Variants in PAX5 observed in about 807,000 individuals in gnomAD.
PAX5 encodes paired box 5, also known as paired box protein Pax-5.
A neutral mutation model predicts 43.7 loss-of-function variants in PAX5; 9 were observed. The ratio of observed to expected loss-of-function variants is 0.21; its 90% CI spans 0.12 to 0.36. The LOEUF (loss-of-function observed/expected upper bound fraction) is 0.36, where lower values mean the gene tolerates loss of function less well. Among genes scored for constraint, PAX5 ranks in the 10% least tolerant of loss-of-function variants. PAX5 has a pLI of 1.00. For synonymous variants in PAX5, 228 were observed against 214.3 expected (o/e 1.06, Z -0.56); for missense variants, 383 against 532.7 (o/e 0.72, Z 2.77).
At position 36,837,559 on chromosome 9, in the gene PAX5, G is replaced by A. The variant is rs1378826668; in HGVS notation, c.*3001C>T. 2.1e-5 allele frequency: 5 copies of A among 233,202 alleles called. No homozygotes were observed. The highest frequency in any genetic ancestry group is 5.6e-5 in the Admixed American group (1 of 17,784). The allele number at this position is 233,202 out of a possible 1,614,324, so 14.4% of individuals were successfully genotyped here. A position where few individuals can be genotyped will look rare whatever the true frequency, so the allele number is the denominator to read the frequency against. On this transcript the variant is annotated 3_prime_UTR_variant, in exon 10 of 10. Coordinates refer to ENST00000358127, the MANE Select transcript of PAX5 (RefSeq NM_016734.3). ...CAGAATTCTCTGGCATCTACTCAAC[G>A]GCTTGTGTCCTTTGGAGCCATCCTC...
At chr9:36,949,831 A>G (rs1832850653) in intron 6 of PAX5, among the ~76,000 whole-genome samples, 1 of 152,142 alleles carries the variant, frequency 6.6e-6, no homozygotes, top group Non-Finnish European at 1.5e-5. Context: ...TCTCCTCAGA[A>G]TTCCACATTA....
At chr9:36,865,292 T>A (rs1824759893) in intron 8 of PAX5, among the ~76,000 whole-genome samples, 1 of 152,170 alleles carries the variant, frequency 6.6e-6, no homozygotes, top group South Asian at 2.1e-4. Flanking sequence ...TCCCCACACC[T>A]TGCCCTCTTG....
At chr9:36,967,519 G>C (rs1244399491) in intron 5 of PAX5, among the ~76,000 whole-genome samples, 1 of 152,186 alleles carries the variant, frequency 6.6e-6, no homozygotes, top group Non-Finnish European at 1.5e-5. Flanking sequence ...AAGGAATGAG[G>C]CTTCCTTCTG....
intron 6 of PAX5, among the ~76,000 whole-genome samples, chr9:36,953,902 G>A (rs955205821): frequency 5.3e-5 from 8 of 151,984 alleles, no homozygotes; most frequent in Non-Finnish European, 1.2e-4. Flanking sequence ...GTGAAACCTG[G>A]TCTCTACAAA....
chr9:36,874,000 G>T (rs528053960), intron 8 of PAX5, among the ~76,000 whole-genome samples: 12 of 152,302 alleles, frequency 7.9e-5, no homozygotes, highest in African/African-American at 2.4e-4. Flanking sequence ...GCCTGGTACT[G>T]CGGCCCCCAC....
intron 1 of PAX5, among the ~76,000 whole-genome samples, chr9:37,024,379 G>A (rs1419237568): frequency 6.6e-6 from 1 of 152,046 alleles, no homozygotes; most frequent in Non-Finnish European, 1.5e-5. Flanking sequence ...AGTGGTAGGG[G>A]GACGGAGGCA....
chr9:36,945,760 C>T (rs1418559888), intron 6 of PAX5, among the ~76,000 whole-genome samples: 1 of 152,202 alleles, frequency 6.6e-6, no homozygotes, highest in East Asian at 1.9e-4. Context: ...CTTCAAATCC[C>T]AGCAGCACAA....
chr9:36,971,224 A>G (rs918266579), intron 5 of PAX5, among the ~76,000 whole-genome samples: 1 of 152,234 alleles, frequency 6.6e-6, no homozygotes, highest in African/African-American at 2.4e-5. Context: ...ATCAACCAAG[A>G]TAAGTACTCT....
intron 7 of PAX5, among the ~76,000 whole-genome samples, chr9:36,889,219 T>A (rs551819548): frequency 1.1e-4 from 17 of 152,282 alleles, no homozygotes; most frequent in Non-Finnish European, 2.4e-4. Flanking sequence ...GGCACTTCCA[T>A]GTCTTAACCT....
intron 5 of PAX5, among the ~76,000 whole-genome samples, chr9:36,999,667 C>G (rs1837684480): frequency 6.6e-6 from 1 of 152,194 alleles, no homozygotes; most frequent in Admixed American, 6.5e-5. Flanking sequence ...CCTCTCTTAC[C>G]CCATGATTCT....
chr9:37,012,352 G>A (rs1238006571), intron 3 of PAX5, among the ~76,000 whole-genome samples: 1 of 152,158 alleles, frequency 6.6e-6, no homozygotes, highest in Non-Finnish European at 1.5e-5. Context: ...CTATCTCCAA[G>A]TCACTGTTCC....
chr9:36,945,487 C>T (rs192861504), intron 6 of PAX5, among the ~76,000 whole-genome samples: 1 of 152,328 alleles, frequency 6.6e-6, no homozygotes, highest in African/African-American at 2.4e-5. Flanking sequence ...GTGATCTTCC[C>T]ACATTGGCCT....
intron 5 of PAX5, among the ~76,000 whole-genome samples, chr9:36,992,755 C>A (rs1388397212): frequency 6.6e-6 from 1 of 152,136 alleles, no homozygotes; most frequent in Non-Finnish European, 1.5e-5. Flanking sequence ...TAACTGAAAC[C>A]ACTTAATTGC....
rs76466853 is a variant in PAX5, at chr9:37,028,932, C to T, written c.46+5054G>A. Among the ~76,000 whole-genome samples the T allele has an allele frequency of 1.3e-3, 200 of 152,284 alleles. 2 individuals are homozygous for T. Among genetic ancestry groups the T allele is most frequent in the African/African-American group, 4.3e-3 (178 of 41,550 alleles). On this transcript the variant is annotated intron_variant, in intron 1 of 9. Transcript: ENST00000358127. ...TGTGGGTTTTAAGGCTCTGAGACAA[C>T]AATCAAAGAAACTGGACCTTGAAAA... is the stretch of plus-strand genomic sequence containing the variant.
chr9:36,884,471 T>C (rs1242631076), intron 7 of PAX5, among the ~76,000 whole-genome samples: 1 of 152,232 alleles, frequency 6.6e-6, no homozygotes, highest in Admixed American at 6.5e-5. Flanking sequence ...TAAATAAGAA[T>C]TGAAGTATAC....
intron 1 of PAX5, among the ~76,000 whole-genome samples, chr9:37,021,732 A>C (rs1839873387): frequency 6.6e-6 from 1 of 152,246 alleles, no homozygotes; most frequent in Non-Finnish European, 1.5e-5. Context: ...AAGTAAATGA[A>C]GAGCCAAACC....
rs973346578 is a variant in PAX5 at position 36,837,983 on chromosome 9, AG to A, written c.*2576del. 1.8e-4 allele frequency: 42 copies of A among 233,350 alleles called. No individual in the cohort carries two copies. The highest frequency in any genetic ancestry group is 8.8e-4 in the African/African-American group (40 of 45,486). 14.5% of individuals were successfully genotyped at this position (233,350 alleles called of 1,614,324 possible). A position where few individuals can be genotyped will look rare whatever the true frequency, so the allele number is the denominator to read the frequency against. ...CACATCATTCCAAAAGAAGGGTGAC[AG>A]GGGGCAGAGGCTCAAGAAGTCTGTG... On this transcript the variant is annotated 3_prime_UTR_variant, in exon 10 of 10. Coordinates refer to ENST00000358127, the MANE Select transcript of PAX5 (RefSeq NM_016734.3).
chr9:36,894,645 A>G (rs1827692743), intron 7 of PAX5, among the ~76,000 whole-genome samples: 1 of 152,216 alleles, frequency 6.6e-6, no homozygotes, highest in South Asian at 2.1e-4. Flanking sequence ...TCTTCCTCAC[A>G]GTGCTGTCAC....
At chr9:36,851,959 A>G (rs1045291932) in intron 8 of PAX5, among the ~76,000 whole-genome samples, 3 of 152,286 alleles carry the variant, frequency 2.0e-5, no homozygotes, top group Middle Eastern at 3.4e-3. Context: ...TTGAAGTCAC[A>G]CAGACCCAAG....
Sources: allele counts gnomAD v4.1 joint callset (sites outside exome capture counted in the v4.1 genomes callset), GRCh38; gene constraint gnomAD v4.1.1; transcripts MANE v1.5; gene names NCBI Gene and HGNC (gene_info 2026-07-23, HGNC 2026-07-21).